Variants in TP53I11 observed in about 807,000 individuals in gnomAD.
TP53I11 encodes tumor protein p53 inducible protein 11, also known as tumor protein p53-inducible protein 11.
A neutral mutation model predicts 23.3 loss-of-function variants in TP53I11; 9 were observed. The ratio of observed to expected loss-of-function variants is 0.39; its 90% CI spans 0.23 to 0.67. The LOEUF (loss-of-function observed/expected upper bound fraction) is 0.67. Ranked by LOEUF, TP53I11 falls within the 30% of genes least tolerant of loss-of-function variation. The pLI, the probability that TP53I11 is intolerant of heterozygous loss-of-function variation, is 0.48. For synonymous variants in TP53I11, 100 were observed against 106.1 expected (o/e 0.94, Z 0.35); for missense variants, 170 against 255.2 (o/e 0.67, Z 2.27).
chr11:44,942,645 A>G lies in TP53I11; in HGVS notation c.-31-4279T>C, dbSNP rs535601225. ...TCATCCACGGGCACTGCCATCAGAC[A>G]TCTGAGCTGGTGGGAACCACTGTGC... On this transcript the variant is annotated intron_variant, in intron 1 of 6. Coordinates refer to ENST00000525680, the MANE Select transcript of TP53I11 (RefSeq NM_006034.5). Among the ~76,000 whole-genome samples the G allele has an allele frequency of 3.9e-5, 6 of 152,286 alleles. No homozygotes were observed. The East Asian group carries it at 1.2e-3, about 29-fold the overall frequency.
Position 44,936,082 on chromosome 11 carries a change from C to T in TP53I11, c.335-420G>A, listed in dbSNP as rs1861077847. On this transcript the variant is annotated intron_variant, in intron 5 of 6. Transcript: ENST00000525680. This position sits in a 1 kb window ranked among gnomAD's most constrained non-coding sequence, Gnocchi z 4.4. ...TTTACACGGACTCCCAGACAGAAAA[C>T]CTGAGCCCGGTAAGGACTCGCTTTA... The T allele has an allele frequency of 7.4e-6, 3 of 403,794 alleles. No homozygotes were observed. The highest frequency in any genetic ancestry group is 1.2e-4 in the East Asian group (1 of 8,210). 25.0% of individuals were successfully genotyped at this position (403,794 alleles called of 1,614,324 possible).
At chr11:44,942,249 CCA>C (rs1441538848) in intron 1 of TP53I11, among the ~76,000 whole-genome samples, 8 of 125,552 alleles carry the variant, frequency 6.4e-5, no homozygotes, top group South Asian at 2.6e-4. Context: ...CCACACACAC[CCA>C]CACACTACAC....
At chr11:44,948,814 A>G (rs896644858) in intron 1 of TP53I11, among the ~76,000 whole-genome samples, 2 of 152,146 alleles carry the variant, frequency 1.3e-5, no homozygotes, top group East Asian at 3.9e-4. Flanking sequence ...ATACCCCAAG[A>G]GGGGCAGGCC....
intron 1 of TP53I11, among the ~76,000 whole-genome samples, chr11:44,943,387 G>A (rs908129821): frequency 6.6e-6 from 1 of 152,186 alleles, no homozygotes; most frequent in African/African-American, 2.4e-5. Flanking sequence ...TGGGGGCAGG[G>A]GCAGCAAGGA....
Position 44,932,702 on chromosome 11 carries a change from GCCC to G in TP53I11, c.*2179_*2181del, listed in dbSNP as rs907225537. On this transcript the variant is annotated 3_prime_UTR_variant, in exon 7 of 7. Transcript: ENST00000525680. ...TCTTCCAGATCTTACCTGACCTGCA[GCCC>G]CCTCCCTCACCCTCACCTGCAGGCT... is the stretch of plus-strand genomic sequence containing the variant. 1.4e-4 allele frequency: 21 copies of G among 152,494 alleles called. No individual in the cohort carries two copies. Among genetic ancestry groups the G allele is most frequent in the African/African-American group, 5.1e-4 (21 of 41,550 alleles). The allele number at this position is 152,494 out of a possible 1,614,324, so 9.4% of individuals were successfully genotyped here.
chr11:44,942,429 TACACACACACACACACACACACACAC>T (rs56662172), intron 1 of TP53I11, among the ~76,000 whole-genome samples: 6 of 146,170 alleles, frequency 4.1e-5, no homozygotes, highest in Non-Finnish European at 7.5e-5. Flanking sequence ...ACACACACCA[TACACACACACACACACACACACACAC>T]ACACACATAC....
chr11:44,949,743 C>T lies in TP53I11; in HGVS notation c.-32+934G>A, dbSNP rs113340492. Among the ~76,000 whole-genome samples the T allele has an allele frequency of 7.2e-3, 1,099 of 152,306 alleles. 6 individuals are homozygous for T. Among genetic ancestry groups the T allele is most frequent in the Admixed American group, 0.012 (178 of 15,312 alleles). On this transcript the variant is annotated intron_variant, in intron 1 of 6. Coordinates refer to ENST00000525680, the MANE Select transcript of TP53I11 (RefSeq NM_006034.5). ...GTTCTGCCCACGGCAGGGGCCCTAA[C>T]CCACCCAGCGCCCGGCCAGTGGCCC...
rs1210508866 is a variant in TP53I11, at chr11:44,932,926, G to C, written c.*1958C>G. ...CAGGTGGAATCCACCTGCAGTTATG[G>C]GAGGACAAACCAACCATCACTATTA... On this transcript the variant is annotated 3_prime_UTR_variant, in exon 7 of 7. Coordinates refer to ENST00000525680, the MANE Select transcript of TP53I11 (RefSeq NM_006034.5). 6.6e-6 allele frequency: 1 copy of C among 152,260 alleles called. No homozygotes were observed. Among genetic ancestry groups the C allele is most frequent in the Admixed American group, 6.5e-5 (1 of 15,288 alleles). 9.4% of individuals were successfully genotyped at this position (152,260 alleles called of 1,614,324 possible). A position where few individuals can be genotyped will look rare whatever the true frequency, so the allele number is the denominator to read the frequency against.
intron 6 of TP53I11, 22 bp downstream of exon 6, chr11:44,935,539 C>T: frequency 6.2e-7 from 1 of 1,612,078 alleles, no homozygotes; most frequent in Non-Finnish European, 8.5e-7. Context: ...CAGCCTCCCT[C>T]ACTGCCCACC....
At chr11:44,948,537 A>C (rs1220300919) in intron 1 of TP53I11, among the ~76,000 whole-genome samples, 3 of 152,028 alleles carry the variant, frequency 2.0e-5, no homozygotes, top group Non-Finnish European at 4.4e-5. Flanking sequence ...TTCACCTCTC[A>C]GTACACTATA....
At chr11:44,949,933 C>G (rs966900823) in intron 1 of TP53I11, 13 of 152,384 alleles carry the variant, frequency 8.5e-5, no homozygotes, top group African/African-American at 3.1e-4. Context: ...CGCCCCTCCC[C>G]CTGCAATCTG....
At chr11:44,944,088 T>C (rs960135104) in intron 1 of TP53I11, among the ~76,000 whole-genome samples, 1 of 152,174 alleles carries the variant, frequency 6.6e-6, no homozygotes, top group South Asian at 2.1e-4. Context: ...ACAATGGGGA[T>C]CACACCACAG....
In TP53I11 at chr11:44,936,888, G is replaced by C. The variant is rs755209236; in HGVS notation, c.249C>G (p.Phe83Leu). ...AGACCGCATCATAGAGCTGGTCAGG[G>C]AAGGCAAGCGCCTGCGGGCAGCGAG... ...FSGIAIMALA[F>L]PDQLYDAVFD... is the part of the protein sequence containing the mutation. Residue 83 changes from phenylalanine (F) to leucine (L), a missense_variant, in exon 5 of 7, where the codon TTC becomes TTG. Coordinates refer to ENST00000525680, the MANE Select transcript of TP53I11 (RefSeq NM_006034.5). The surrounding 1 kb of genome is among the most constrained non-coding windows in gnomAD (Gnocchi z 4.4). The C allele has an allele frequency of 3.7e-6, 6 of 1,606,380 alleles. No homozygotes were observed. Among genetic ancestry groups the C allele is most frequent in the African/African-American group, 1.3e-5 (1 of 74,740 alleles).
At chr11:44,949,143 A>C (rs556699072) in intron 1 of TP53I11, among the ~76,000 whole-genome samples, 1 of 152,306 alleles carries the variant, frequency 6.6e-6, no homozygotes, top group Admixed American at 6.5e-5. Context: ...AGCCTGGAGA[A>C]TAGTCTTATT....
intron 1 of TP53I11, among the ~76,000 whole-genome samples, chr11:44,949,511 C>T (rs888271662): frequency 6.6e-6 from 1 of 152,228 alleles, no homozygotes; most frequent in Non-Finnish European, 1.5e-5. Context: ...GCTGCTCTTG[C>T]CCCAGCCTCC....
chr11:44,937,286 C>A lies in TP53I11; in HGVS notation c.237+18G>T. 6.6e-7 allele frequency: 1 copy of A among 1,522,894 alleles called. No homozygotes were observed. Among genetic ancestry groups the A allele is most frequent in the Non-Finnish European group, 8.8e-7 (1 of 1,136,348 alleles). The allele number at this position is 1,522,894 out of a possible 1,614,324, so 94.3% of individuals were successfully genotyped here. ...GCCACACGGGGCCAGATCTCAGGGG[C>A]TGGGGGTGGGGGCTCACCATGATGG... On this transcript the variant is annotated intron_variant, in intron 4 of 6. Coordinates refer to ENST00000525680, the MANE Select transcript of TP53I11 (RefSeq NM_006034.5).
intron 1 of TP53I11, among the ~76,000 whole-genome samples, chr11:44,945,777 C>T (rs1303150430): frequency 1.4e-4 from 21 of 152,128 alleles, no homozygotes; most frequent in Non-Finnish European, 1.3e-4. Flanking sequence ...CTCAGGCCCC[C>T]GGCCAGAGAG....
chr11:44,946,138 C>T (rs1021787056), intron 1 of TP53I11, among the ~76,000 whole-genome samples: 5 of 152,144 alleles, frequency 3.3e-5, no homozygotes, highest in African/African-American at 7.2e-5. Context: ...CAAGGCTGTC[C>T]GGGGGCTAGA....
At chr11:44,943,398 C>T (rs181846954) in intron 1 of TP53I11, among the ~76,000 whole-genome samples, 52 of 152,326 alleles carry the variant, frequency 3.4e-4, no homozygotes, top group Non-Finnish European at 6.0e-4. Flanking sequence ...GCAGCAAGGA[C>T]AGCCACTCCT....
Sources: allele counts gnomAD v4.1 joint callset (sites outside exome capture counted in the v4.1 genomes callset), GRCh38; gene constraint gnomAD v4.1.1; non-coding constraint Gnocchi (gnomAD v3.1); transcripts MANE v1.5; gene names NCBI Gene and HGNC (gene_info 2026-07-23, HGNC 2026-07-21).